Variants in SLC22A23 observed in about 807,000 individuals in gnomAD.
The protein encoded by SLC22A23 is solute carrier family 22 member 23, also known as ion transporter protein.
A neutral mutation model predicts 61.0 loss-of-function variants in SLC22A23; 26 were observed. The ratio of observed to expected loss-of-function variants is 0.43; its 90% CI spans 0.31 to 0.59. The LOEUF is 0.59. Among genes scored for constraint, SLC22A23 ranks in the 20% least tolerant of loss-of-function variants. The pLI, the probability that SLC22A23 is intolerant of heterozygous loss-of-function variation, is 0.11. For missense variants in SLC22A23, 796 were observed against 934.7 expected, an observed-to-expected ratio of 0.85 and a Z score of 1.94; for synonymous variants, 430 against 413.9, an observed-to-expected ratio of 1.04 and a Z score of -0.47.
At chr6:3,313,279 CCA>C (rs1251861976) in intron 4 of SLC22A23, 9 of 152,322 alleles carry the variant, frequency 5.9e-5, no homozygotes, top group Middle Eastern at 3.4e-3. Flanking sequence ...CATTTTATTT[CCA>C]CATCTGCCTT....
At chr6:3,287,139 G>C (rs887887960) in intron 6 of SLC22A23, 48 bp from the exon 7 acceptor site, 1 of 1,568,768 alleles carries the variant, frequency 6.4e-7, no homozygotes, top group Non-Finnish European at 8.7e-7. Flanking sequence ...CCCATGCCAG[G>C]GGCTGCGCTG....
chr6:3,294,787 C>T (rs995330504), intron 5 of SLC22A23, among the ~76,000 whole-genome samples: 2 of 152,184 alleles, frequency 1.3e-5, no homozygotes, highest in African/African-American at 4.8e-5. Context: ...CTCAGCTGCA[C>T]AGGCCAGTAA....
At chr6:3,385,041 TAG>T (rs1767200555) in intron 3 of SLC22A23, among the ~76,000 whole-genome samples, 1 of 152,104 alleles carries the variant, frequency 6.6e-6, no homozygotes. Context: ...GTGAAATCCA[TAG>T]AGACAGAAAG....
chr6:3,303,926 A>G (rs1333372959), intron 4 of SLC22A23, among the ~76,000 whole-genome samples: 1 of 152,246 alleles, frequency 6.6e-6, no homozygotes, highest in Non-Finnish European at 1.5e-5. Flanking sequence ...ATGTAGCACA[A>G]CATCACTATG....
chr6:3,338,008 C>A (rs1763952600), intron 3 of SLC22A23, among the ~76,000 whole-genome samples: 1 of 152,184 alleles, frequency 6.6e-6, no homozygotes, highest in Admixed American at 6.5e-5. Flanking sequence ...CCCACAGGAG[C>A]AAGAGGAAGT....
Position 3,330,795 on chromosome 6 carries a change from G to A in SLC22A23, c.914-6793C>T, listed in dbSNP as rs1405814394. 1.3e-5 allele frequency among the ~76,000 whole-genome samples: 2 copies of A among 152,198 alleles called. No individual in the cohort carries two copies. The highest frequency in any genetic ancestry group is 3.9e-4 in the East Asian group (2 of 5,180). On this transcript the variant is annotated intron_variant, in intron 3 of 9. Transcript: ENST00000406686. This position sits in a 1 kb window ranked among gnomAD's most constrained non-coding sequence, Gnocchi z 4.7. The stretch of plus-strand genomic sequence containing the variant: ...TGCCAACCCAAAGTAATGGTCAGAA[G>A]AATCTGAAAGAGTAGTTTTCTCCAT...
chr6:3,420,983 C>T (rs906530028), intron 1 of SLC22A23, among the ~76,000 whole-genome samples: 1 of 152,018 alleles, frequency 6.6e-6, no homozygotes, highest in Non-Finnish European at 1.5e-5. Context: ...TGCCTGTAAT[C>T]CCAGCTACTC....
intron 3 of SLC22A23, among the ~76,000 whole-genome samples, chr6:3,396,135 A>G (rs966358115): frequency 1.3e-5 from 2 of 152,162 alleles, no homozygotes; most frequent in African/African-American, 4.8e-5. Context: ...TGATATACGG[A>G]AGGGAAGTGC....
intron 1 of SLC22A23, among the ~76,000 whole-genome samples, chr6:3,433,665 C>T (rs1771014852): frequency 6.6e-6 from 1 of 152,176 alleles, no homozygotes; most frequent in Non-Finnish European, 1.5e-5. Flanking sequence ...CTGCGTCCAT[C>T]ACCAATGGAG....
intron 1 of SLC22A23, among the ~76,000 whole-genome samples, chr6:3,443,497 G>A (rs187405787): frequency 1.3e-5 from 2 of 152,302 alleles, no homozygotes. Flanking sequence ...TCCACACTCA[G>A]CTCAAGTAGC....
intron 3 of SLC22A23, among the ~76,000 whole-genome samples, chr6:3,355,473 A>T (rs1187750063): frequency 6.6e-6 from 1 of 152,110 alleles, no homozygotes; most frequent in Non-Finnish European, 1.5e-5. Flanking sequence ...TAGAAATATA[A>T]ATGTATTTAT....
intron 2 of SLC22A23, among the ~76,000 whole-genome samples, chr6:3,412,064 TA>T (rs147622246): frequency 0.018 from 2,739 of 152,290 alleles, 29 homozygotes; most frequent in Non-Finnish European, 0.029. Flanking sequence ...GATCCTTCAC[TA>T]GGGGGGATGA....
intron 3 of SLC22A23, among the ~76,000 whole-genome samples, chr6:3,354,972 C>G (rs1307610754): frequency 6.6e-6 from 1 of 151,394 alleles, no homozygotes; most frequent in African/African-American, 2.4e-5. Context: ...CCTAAAAGCA[C>G]AAGGCATTTG....
At chr6:3,439,420 G>A in intron 1 of SLC22A23, 1 of 390,776 alleles carries the variant, frequency 2.6e-6, no homozygotes, top group South Asian at 1.9e-5. Flanking sequence ...GACGAAGATG[G>A]GCCCGTTCCA....
intron 3 of SLC22A23, among the ~76,000 whole-genome samples, chr6:3,363,435 C>G (rs1765608488): frequency 6.6e-6 from 1 of 152,230 alleles, no homozygotes; most frequent in South Asian, 2.1e-4. Flanking sequence ...AGGACACAGG[C>G]TGAGGAGAGG....
chr6:3,414,724 A>AC lies in SLC22A23; in HGVS notation c.758+1027_758+1028insG, dbSNP rs916518506. ...AGGCCAAGATGTCTCGATTCACCAAAAAAAAAAAAAAAAAAAAAAATCCTT... is the reference window on the plus strand; with the variant it reads ...AGGCCAAGATGTCTCGATTCACCAAACAAAAAAAAAAAAAAAAAAAATCCTT... On this transcript the variant is annotated intron_variant, in intron 2 of 9. Transcript: ENST00000406686. This position sits in a 1 kb window ranked among gnomAD's most constrained non-coding sequence, Gnocchi z 5.1. Among the ~76,000 whole-genome samples, 1 of 142,324 alleles carries AC rather than the reference A, an allele frequency of 7.0e-6. No individual in the cohort carries two copies. The highest frequency in any genetic ancestry group is 1.5e-5 in the Non-Finnish European group (1 of 67,312). The allele number at this position is 142,324 out of a possible 152,430, so 93.4% of individuals were successfully genotyped here.
intron 3 of SLC22A23, among the ~76,000 whole-genome samples, chr6:3,396,334 G>A (rs1433710649): frequency 3.3e-5 from 5 of 152,166 alleles, no homozygotes; most frequent in African/African-American, 4.8e-5. Flanking sequence ...AGGCCAAGGC[G>A]GGCAGACCAT....
intron 3 of SLC22A23, among the ~76,000 whole-genome samples, chr6:3,343,138 G>A (rs1298156336): frequency 6.6e-6 from 1 of 152,182 alleles, no homozygotes; most frequent in Admixed American, 6.5e-5. Flanking sequence ...CTAGGTAGAT[G>A]GGGGAGTTCC....
At chr6:3,422,221 T>C (rs1051304720) in intron 1 of SLC22A23, among the ~76,000 whole-genome samples, 4 of 152,202 alleles carry the variant, frequency 2.6e-5, no homozygotes, top group African/African-American at 9.6e-5. Flanking sequence ...GTCAGCATTT[T>C]TCCCCCCTAA....
Sources: gnomAD v4.1 joint callset for allele counts (sites outside exome capture counted in the v4.1 genomes callset) on GRCh38, gnomAD v4.1.1 for gene constraint, Gnocchi (gnomAD v3.1) non-coding constraint, MANE v1.5 for transcripts, NCBI Gene and HGNC (gene_info 2026-07-23, HGNC 2026-07-21) for gene names.